The following CSMD1 variants were observed in gnomAD, a reference collection of about 807,000 sequenced individuals.
CSMD1 encodes CUB and sushi domain-containing protein 1.
Under a neutral mutation model 417.5 loss-of-function variants are expected in CSMD1, and 213 were observed. The ratio of observed to expected loss-of-function variants is 0.51; its 90% CI spans 0.46 to 0.57. The LOEUF (loss-of-function observed/expected upper bound fraction) is 0.57. Among genes scored for constraint, CSMD1 ranks in the 20% least tolerant of loss-of-function variants. The probability of loss-of-function intolerance (pLI) is 0.00; values close to 1 mark genes in which losing one functional copy is unlikely to be tolerated. For missense variants in CSMD1, 6,923 were observed against 4,529.7 expected (o/e 1.53, Z -15.17); for synonymous variants, 2,862 against 1,736.8 (o/e 1.65, Z -16.11).
At chr8:3,415,746 A>T (rs1442168702) in intron 12 of CSMD1, among the ~76,000 whole-genome samples, 1 of 152,228 alleles carries the variant, frequency 6.6e-6, no homozygotes, top group Non-Finnish European at 1.5e-5. Context: ...GATGAAGCTC[A>T]GTCCCTTTTT....
chr8:3,180,707 C>A (rs1414043515), intron 37 of CSMD1, among the ~76,000 whole-genome samples: 1 of 152,128 alleles, frequency 6.6e-6, no homozygotes, highest in Non-Finnish European at 1.5e-5. Context: ...GCAATCTTGG[C>A]TCATGGCAAC....
intron 23 of CSMD1, among the ~76,000 whole-genome samples, chr8:3,319,924 G>A (rs920917509): frequency 6.6e-6 from 1 of 152,034 alleles, no homozygotes; most frequent in Non-Finnish European, 1.5e-5. Context: ...TTATTTTAAT[G>A]GAGAAATAGC....
intron 2 of CSMD1, among the ~76,000 whole-genome samples, chr8:4,453,519 G>A (rs914279495): frequency 6.6e-5 from 10 of 152,334 alleles, no homozygotes; most frequent in Admixed American, 5.2e-4. Flanking sequence ...TCTTGCATCA[G>A]ATTCCTGCAG....
At chr8:3,619,805 G>A (rs560613958) in intron 7 of CSMD1, among the ~76,000 whole-genome samples, 3 of 152,194 alleles carry the variant, frequency 2.0e-5, no homozygotes, top group Non-Finnish European at 4.4e-5. Context: ...GCTGGGCACG[G>A]TGGCTCACAC....
chr8:3,308,626 G>T, intron 23 of CSMD1, 123 bp from the exon 24 acceptor site: 1 of 690,498 alleles, frequency 1.4e-6, no homozygotes, highest in Non-Finnish European at 2.4e-6. Flanking sequence ...AGGAGATTGT[G>T]AATTTACAAA....
At chr8:3,699,340 T>C (rs79827412) in intron 7 of CSMD1, among the ~76,000 whole-genome samples, 6 of 152,366 alleles carry the variant, frequency 3.9e-5, no homozygotes, top group African/African-American at 1.2e-4. Flanking sequence ...CTAGTGTGTT[T>C]TACTGACATG....
intron 2 of CSMD1, among the ~76,000 whole-genome samples, chr8:4,626,779 A>C (rs745942830): frequency 1.3e-5 from 2 of 152,164 alleles, no homozygotes; most frequent in Non-Finnish European, 2.9e-5. Flanking sequence ...TAGATCTGAA[A>C]ACCTGAAGCC....
In CSMD1 at chr8:3,310,911, G is replaced by T. The variant is rs150345448; in HGVS notation, c.3632-2408C>A. On this transcript the variant is annotated intron_variant, in intron 23 of 69. Coordinates refer to ENST00000635120, the MANE Select transcript of CSMD1 (RefSeq NM_033225.6). ...TTAAAAAAAGTTTTTAAAAAGAGGT[G>T]GAATATTGCACGTAATGCTTCTAAA... 9.5e-4 allele frequency among the ~76,000 whole-genome samples: 145 copies of T among 152,184 alleles called. 2 individuals are homozygous for T. Among genetic ancestry groups the T allele is most frequent in the African/African-American group, 3.4e-3 (140 of 41,508 alleles).
At chr8:4,698,267 G>A (rs1233431893) in intron 1 of CSMD1, among the ~76,000 whole-genome samples, 1 of 151,918 alleles carries the variant, frequency 6.6e-6, no homozygotes, top group Non-Finnish European at 1.5e-5. Flanking sequence ...ATGAAGAGCT[G>A]TGTCGAATGC....
At chr8:3,877,087 A>C (rs2129117577) in intron 5 of CSMD1, among the ~76,000 whole-genome samples, 1 of 152,282 alleles carries the variant, frequency 6.6e-6, no homozygotes, top group Non-Finnish European at 1.5e-5. Flanking sequence ...CTTACAAGGG[A>C]GATTCAGCCT....
intron 26 of CSMD1, among the ~76,000 whole-genome samples, chr8:3,233,691 G>T (rs987622700): frequency 6.6e-6 from 1 of 151,886 alleles, no homozygotes; most frequent in Non-Finnish European, 1.5e-5. Context: ...AATCCGATAA[G>T]AATTCCAATT....
chr8:4,441,079 A>T (rs1798442050), intron 2 of CSMD1, among the ~76,000 whole-genome samples: 1 of 73,740 alleles, frequency 1.4e-5, no homozygotes, highest in Non-Finnish European at 3.1e-5. Flanking sequence ...TAATAATTTG[A>T]CTCGTTAATC....
At chr8:4,521,538 T>C (rs991310142) in intron 2 of CSMD1, among the ~76,000 whole-genome samples, 1 of 152,208 alleles carries the variant, frequency 6.6e-6, no homozygotes, top group African/African-American at 2.4e-5. Flanking sequence ...TTGTCTACTA[T>C]AGCAGTGATA....
At chr8:3,902,952 C>G (rs946811470) in intron 5 of CSMD1, among the ~76,000 whole-genome samples, 2 of 152,192 alleles carry the variant, frequency 1.3e-5, no homozygotes. Flanking sequence ...CCTCCCTGAA[C>G]TCAGTAGACT....
intron 1 of CSMD1, among the ~76,000 whole-genome samples, chr8:4,891,417 T>G (rs1411709965): frequency 6.6e-6 from 1 of 152,166 alleles, no homozygotes; most frequent in Non-Finnish European, 1.5e-5. Context: ...GAGCTTTCAT[T>G]CCTCTGATAC....
intron 10 of CSMD1, among the ~76,000 whole-genome samples, chr8:3,565,303 C>T (rs569236150): frequency 6.6e-6 from 1 of 151,350 alleles, no homozygotes; most frequent in East Asian, 1.9e-4. Flanking sequence ...CTCCTTTCCC[C>T]AGTGGCATGG....
chr8:4,101,547 G>C (rs1424740511), intron 3 of CSMD1, among the ~76,000 whole-genome samples: 2 of 152,116 alleles, frequency 1.3e-5, no homozygotes, highest in African/African-American at 4.8e-5. Context: ...AAAAAATTAT[G>C]GATGTGTAGG....
intron 5 of CSMD1, among the ~76,000 whole-genome samples, chr8:3,936,959 C>T (rs953995153): frequency 6.6e-6 from 1 of 152,068 alleles, no homozygotes; most frequent in African/African-American, 2.4e-5. Flanking sequence ...CCAGCACGAA[C>T]AGGAGTTTAA....
chr8:3,048,686 A>T (rs62490539), intron 50 of CSMD1, among the ~76,000 whole-genome samples: 39,201 of 151,956 alleles, frequency 0.26, 5,834 homozygotes, highest in East Asian at 0.36. Flanking sequence ...ATGACTTTGT[A>T]GATACAAAAA....
Sources: allele counts gnomAD v4.1 joint callset (sites outside exome capture counted in the v4.1 genomes callset), GRCh38; gene constraint gnomAD v4.1.1; transcripts MANE v1.5; gene names NCBI Gene and HGNC (gene_info 2026-07-23, HGNC 2026-07-21).